PHACTR3: variants seen among roughly 807,000 people sequenced by gnomAD.
The protein encoded by PHACTR3 is protein phosphatase 1, regulatory subunit 123.
In PHACTR3, 16 loss-of-function variants were observed where a neutral mutation model predicts 66.8. The observed-to-expected ratio is 0.24, with a 90% CI of 0.16 to 0.36. PHACTR3 has a LOEUF of 0.36. Among genes scored for constraint, PHACTR3 ranks in the 10% least tolerant of loss-of-function variants. The pLI, the probability that PHACTR3 is intolerant of heterozygous loss-of-function variation, is 1.00. For missense variants in PHACTR3, 647 were observed against 719.9 expected (o/e 0.90, Z 1.16); for synonymous variants, 323 against 292.1 (o/e 1.11, Z -1.08).
intron 4 of PHACTR3, among the ~76,000 whole-genome samples, chr20:59,761,049 G>A (rs913396338): frequency 6.6e-6 from 1 of 152,186 alleles, no homozygotes; most frequent in East Asian, 1.9e-4. Flanking sequence ...AAACTCTAGA[G>A]CCAAACAGGA....
At chr20:59,744,617 G>A (rs1055608555) in intron 2 of PHACTR3, among the ~76,000 whole-genome samples, 1 of 152,172 alleles carries the variant, frequency 6.6e-6, no homozygotes, top group Non-Finnish European at 1.5e-5. Flanking sequence ...CAGGGGAGGC[G>A]GCCAACACCG....
chr20:59,717,200 G>A (rs1421286698), intron 1 of PHACTR3, among the ~76,000 whole-genome samples: 2 of 152,038 alleles, frequency 1.3e-5, no homozygotes, highest in Non-Finnish European at 2.9e-5. Flanking sequence ...GCCCTTGAGT[G>A]TTTATTTAGT....
chr20:59,774,485 T>C lies in PHACTR3; in HGVS notation c.1169T>C (p.Ile390Thr), dbSNP rs2146896850. Residue 390 changes from isoleucine (I) to threonine (T), a missense_variant, in exon 7 of 13, where the codon ATT becomes ACT. Transcript: ENST00000371015. ...QDEEALNDSI[I>T]SGTLPRKCKK... Reference sequence around the variant, plus strand: ...GAGGAGGCGCTGAACGACTCCATTATTTCTGGTGAGGAAAGGATGGCCCAT... The same window carrying C: ...GAGGAGGCGCTGAACGACTCCATTACTTCTGGTGAGGAAAGGATGGCCCAT... 6.2e-7 allele frequency: 1 copy of C among 1,613,422 alleles called. No individual in the cohort carries two copies. The highest frequency in any genetic ancestry group is 1.1e-5 in the South Asian group (1 of 91,000).
intron 7 of PHACTR3, among the ~76,000 whole-genome samples, chr20:59,786,440 C>G (rs1226213366): frequency 6.6e-6 from 1 of 152,220 alleles, no homozygotes; most frequent in Non-Finnish European, 1.5e-5. Context: ...GCCTCCTGCT[C>G]CTCTCTCTTT....
chr20:59,824,127 C>G (rs1292331359), intron 8 of PHACTR3, among the ~76,000 whole-genome samples: 1 of 152,214 alleles, frequency 6.6e-6, no homozygotes, highest in Non-Finnish European at 1.5e-5. Context: ...GGACACTCTC[C>G]TTGACTTAAA....
chr20:59,786,145 C>T (rs1328725054), intron 7 of PHACTR3, among the ~76,000 whole-genome samples: 1 of 152,228 alleles, frequency 6.6e-6, no homozygotes. Context: ...GGGCTGGGAT[C>T]CTCCCCTTTG....
chr20:59,655,840 TTTC>T (rs1481295390), intron 1 of PHACTR3, among the ~76,000 whole-genome samples: 1 of 151,924 alleles, frequency 6.6e-6, no homozygotes, highest in Non-Finnish European at 1.5e-5. Flanking sequence ...TGCTTCATTG[TTTC>T]TTCATTTTCA....
chr20:59,758,012 A>G (rs944978615), intron 4 of PHACTR3, among the ~76,000 whole-genome samples: 3 of 152,184 alleles, frequency 2.0e-5, no homozygotes, highest in South Asian at 2.1e-4. Flanking sequence ...GGAGAGAGAG[A>G]AGAGACCTGG....
At chr20:59,746,941 G>C (rs566020118) in intron 2 of PHACTR3, among the ~76,000 whole-genome samples, 1 of 152,014 alleles carries the variant, frequency 6.6e-6, no homozygotes, top group Non-Finnish European at 1.5e-5. Context: ...TTGCAAAGCT[G>C]CATCTTTCAA....
chr20:59,607,347 C>T (rs533646927), intron 1 of PHACTR3, among the ~76,000 whole-genome samples: 1 of 152,248 alleles, frequency 6.6e-6, no homozygotes, highest in African/African-American at 2.4e-5. Context: ...CCTTCACCTG[C>T]TCTTCCTAGA....
At chr20:59,798,745 T>C (rs930709936) in intron 7 of PHACTR3, among the ~76,000 whole-genome samples, 2 of 152,108 alleles carry the variant, frequency 1.3e-5, no homozygotes, top group African/African-American at 4.8e-5. Flanking sequence ...GTGTGTTCCC[T>C]TACCATCTCT....
chr20:59,605,876 G>C (rs904432879), intron 1 of PHACTR3, among the ~76,000 whole-genome samples: 3 of 150,020 alleles, frequency 2.0e-5, no homozygotes, highest in South Asian at 2.1e-4. Flanking sequence ...GGGGTGGGCT[G>C]TGTGCGCCTG....
At chr20:59,677,712 G>A (rs1314256845) in intron 1 of PHACTR3, among the ~76,000 whole-genome samples, 3 of 152,140 alleles carry the variant, frequency 2.0e-5, no homozygotes, top group Admixed American at 1.3e-4. Context: ...CAGGAAATAT[G>A]GGAAATTAAC....
At chr20:59,834,085 C>T (rs2145484644) in intron 8 of PHACTR3, among the ~76,000 whole-genome samples, 1 of 152,294 alleles carries the variant, frequency 6.6e-6, no homozygotes, top group South Asian at 2.1e-4. Context: ...GTTTTACTTC[C>T]CAAGATCCCA....
intron 1 of PHACTR3, among the ~76,000 whole-genome samples, chr20:59,725,179 G>A (rs930645805): frequency 6.6e-6 from 1 of 151,902 alleles, no homozygotes; most frequent in Non-Finnish European, 1.5e-5. Context: ...CAGTAAGGCT[G>A]TGAACCCAGG....
intron 1 of PHACTR3, among the ~76,000 whole-genome samples, chr20:59,649,939 A>G (rs963729922): frequency 6.6e-6 from 1 of 152,220 alleles, no homozygotes; most frequent in African/African-American, 2.4e-5. Flanking sequence ...TTTTATTTTT[A>G]TAAGTATGGA....
chr20:59,638,400 G>A (rs1276025975), intron 1 of PHACTR3, among the ~76,000 whole-genome samples: 1 of 149,302 alleles, frequency 6.7e-6, no homozygotes, highest in Non-Finnish European at 1.5e-5. Context: ...GGATGGATGG[G>A]CAGGTGGGTG....
chr20:59,724,556 G>A (rs1204364934), intron 1 of PHACTR3, among the ~76,000 whole-genome samples: 3 of 152,140 alleles, frequency 2.0e-5, no homozygotes, highest in African/African-American at 2.4e-5. Flanking sequence ...TCAGGCGTGC[G>A]TGGCCGGCAG....
At chr20:59,765,345 G>A (rs1314328872) in intron 4 of PHACTR3, among the ~76,000 whole-genome samples, 1 of 152,178 alleles carries the variant, frequency 6.6e-6, no homozygotes, top group Non-Finnish European at 1.5e-5. Flanking sequence ...TTTCATGTGG[G>A]TATCCATGCA....
Sources: gnomAD v4.1 joint callset for allele counts (sites outside exome capture counted in the v4.1 genomes callset) on GRCh38, gnomAD v4.1.1 for gene constraint, MANE v1.5 for transcripts, NCBI Gene and HGNC (gene_info 2026-07-23, HGNC 2026-07-21) for gene names.